OR2L13: variants seen among roughly 807,000 people sequenced by gnomAD.
OR2L13 encodes olfactory receptor family 2 subfamily L member 13, also known as olfactory receptor 2L13.
OR2L13 carries 14 observed loss-of-function variants against 15.3 expected under a neutral mutation model. The ratio of observed to expected loss-of-function variants is 0.91; its 90% CI spans 0.60 to 1.43. The LOEUF (loss-of-function observed/expected upper bound fraction) is 1.43. Ranked by LOEUF, OR2L13 falls within the 40% of genes most tolerant of loss-of-function variation. OR2L13 has a pLI of 0.00. For synonymous variants in OR2L13, 152 were observed against 142.9 expected (o/e 1.06, Z -0.45); for missense variants, 367 against 387.9 (o/e 0.95, Z 0.45).
the OR2L13 span, among the ~76,000 whole-genome samples, chr1:247,940,370 T>C: frequency 0.023 from 3,469 of 152,300 alleles, 56 homozygotes; most frequent in East Asian, 0.037. Flanking sequence ...TAGGAAAAAC[T>C]AGAAAAACAT....
chr1:248,016,593 C>G, the OR2L13 span, among the ~76,000 whole-genome samples: 1 of 151,938 alleles, frequency 6.6e-6, no homozygotes, highest in African/African-American at 2.4e-5. Context: ...GTAAATTTAA[C>G]CTCTGTCTTT....
At chr1:248,085,841 C>T in the OR2L13 span, among the ~76,000 whole-genome samples, 329 of 152,162 alleles carry the variant, frequency 2.2e-3, no homozygotes, top group African/African-American at 6.9e-3. Flanking sequence ...AAGGAGCATG[C>T]GATCTAGATC....
At chr1:248,004,186 A>T in the OR2L13 span, 1 of 811,910 alleles carries the variant, frequency 1.2e-6, no homozygotes, top group Non-Finnish European at 1.8e-6. Flanking sequence ...AACAGAAGAA[A>T]AAAAAATCAC....
At chr1:247,946,866 A>C in the OR2L13 span, among the ~76,000 whole-genome samples, 3 of 152,306 alleles carry the variant, frequency 2.0e-5, no homozygotes, top group Non-Finnish European at 2.9e-5. Flanking sequence ...ACAAAAAAAA[A>C]CTATTGCATT....
At chr1:248,044,259 C>A in the OR2L13 span, among the ~76,000 whole-genome samples, 1 of 152,074 alleles carries the variant, frequency 6.6e-6, no homozygotes, top group Non-Finnish European at 1.5e-5. Flanking sequence ...TTTTTCTGTC[C>A]TTCAATCCAG....
At chr1:248,043,982 T>C in the OR2L13 span, among the ~76,000 whole-genome samples, 1 of 152,190 alleles carries the variant, frequency 6.6e-6, no homozygotes, top group Non-Finnish European at 1.5e-5. Context: ...ATCTGGACAC[T>C]CCCAAGTCTG....
At chr1:247,954,389 AT>A in the OR2L13 span, among the ~76,000 whole-genome samples, 1 of 152,286 alleles carries the variant, frequency 6.6e-6, no homozygotes, top group African/African-American at 2.4e-5. Context: ...ATGGAGGTCA[AT>A]TTGACATTTG....
chr1:248,068,578 T>C, the OR2L13 span, among the ~76,000 whole-genome samples: 24 of 152,262 alleles, frequency 1.6e-4, no homozygotes, highest in South Asian at 5.0e-3. Context: ...GCACCTCTCC[T>C]CCTCCAAAGG....
upstream of OR2L13, among the ~76,000 whole-genome samples, chr1:248,091,567 G>A (rs936630658): frequency 1.3e-5 from 2 of 151,420 alleles, no homozygotes; most frequent in Non-Finnish European, 2.9e-5. Context: ...ATTTTTGTTG[G>A]CTTCGTTGAA....
chr1:248,019,266 A>G, the OR2L13 span, among the ~76,000 whole-genome samples: 1 of 152,218 alleles, frequency 6.6e-6, no homozygotes, highest in Non-Finnish European at 1.5e-5. Flanking sequence ...ATTTATAGGA[A>G]CATATAATCC....
chr1:248,022,984 CAG>C, the OR2L13 span: 156 of 1,099,704 alleles, frequency 1.4e-4, no homozygotes, highest in African/African-American at 2.0e-3. Context: ...GTATGTCAAA[CAG>C]AGATTAATCC....
At chr1:248,031,719 T>A in the OR2L13 span, among the ~76,000 whole-genome samples, 530 of 152,324 alleles carry the variant, frequency 3.5e-3, 5 homozygotes, top group African/African-American at 0.012. Context: ...CAAAGTCAAA[T>A]AAGCTTGCCT....
the OR2L13 span, among the ~76,000 whole-genome samples, chr1:247,981,817 ATTT>A: frequency 7.0e-5 from 10 of 143,290 alleles, no homozygotes; most frequent in African/African-American, 2.3e-4. Context: ...CATAATAACA[ATTT>A]TTTTTTTTTT....
chr1:248,043,240 AAGTC>A, the OR2L13 span, among the ~76,000 whole-genome samples: 3 of 152,214 alleles, frequency 2.0e-5, no homozygotes, highest in Non-Finnish European at 4.4e-5. Flanking sequence ...CCATAGCTGA[AAGTC>A]AGGTAGAGAA....
upstream of OR2L13, among the ~76,000 whole-genome samples, chr1:248,094,934 T>A (rs1477289975): frequency 6.6e-6 from 1 of 152,210 alleles, no homozygotes; most frequent in Non-Finnish European, 1.5e-5. Flanking sequence ...TGAAATCATG[T>A]ACTGGAATAT....
chr1:248,081,366 T>C, the OR2L13 span, among the ~76,000 whole-genome samples: 105 of 152,312 alleles, frequency 6.9e-4, no homozygotes, highest in African/African-American at 2.4e-3. Context: ...TACATTTGCT[T>C]GGAGATAAAG....
the OR2L13 span, among the ~76,000 whole-genome samples, chr1:248,044,653 A>T: frequency 1.7e-5 from 2 of 114,560 alleles, 1 homozygote; most frequent in East Asian, 5.1e-4. Flanking sequence ...AATACAAAAA[A>T]TTAGCCGGGC....
At chr1:247,997,599 T>C in the OR2L13 span, among the ~76,000 whole-genome samples, 1 of 152,180 alleles carries the variant, frequency 6.6e-6, no homozygotes, top group Non-Finnish European at 1.5e-5. Context: ...GACACATTGT[T>C]ACTGTGGATG....
chr1:248,017,451 G>A, the OR2L13 span, among the ~76,000 whole-genome samples: 1 of 152,182 alleles, frequency 6.6e-6, no homozygotes, highest in Non-Finnish European at 1.5e-5. Flanking sequence ...ATATCGTAAC[G>A]TCACAAAATA....
Sources: gnomAD v4.1 joint callset for allele counts (sites outside exome capture counted in the v4.1 genomes callset) on GRCh38, gnomAD v4.1.1 for gene constraint, MANE v1.5 for transcripts, NCBI Gene and HGNC (gene_info 2026-07-23, HGNC 2026-07-21) for gene names.